The following RBFOX1 variants were observed in gnomAD, a reference collection of about 807,000 sequenced individuals.
The protein encoded by RBFOX1 is RNA binding fox-1 homolog 1.
A neutral mutation model predicts 57.7 loss-of-function variants in RBFOX1; 8 were observed. The ratio of observed to expected loss-of-function variants is 0.14; its 90% confidence interval spans 0.08 to 0.25. The LOEUF (loss-of-function observed/expected upper bound fraction) is 0.25. Ranked by LOEUF, RBFOX1 falls within the 10% of genes least tolerant of loss-of-function variation. The pLI is 1.00. For synonymous variants in RBFOX1, 326 were observed against 222.4 expected (o/e 1.47, Z -4.15); for missense variants, 611 against 548.5 (o/e 1.11, Z -1.14).
intron 4 of RBFOX1, among the ~76,000 whole-genome samples, chr16:7,174,571 A>G (rs1220872054): frequency 1.3e-5 from 2 of 152,194 alleles, no homozygotes; most frequent in Admixed American, 1.3e-4. Flanking sequence ...ACTTGAGGTC[A>G]GGAGTTTGAG....
chr16:7,592,140 G>A (rs528186896), intron 7 of RBFOX1, among the ~76,000 whole-genome samples: 4 of 152,176 alleles, frequency 2.6e-5, no homozygotes, highest in African/African-American at 7.2e-5. Context: ...TTTCTGCACC[G>A]AACTTTGTCA....
At chr16:7,462,840 C>T (rs1002625843) in intron 4 of RBFOX1, among the ~76,000 whole-genome samples, 3 of 152,150 alleles carry the variant, frequency 2.0e-5, no homozygotes, top group Non-Finnish European at 4.4e-5. Context: ...TGAATCTCTC[C>T]ATGTTTCTCT....
intron 3 of RBFOX1, among the ~76,000 whole-genome samples, chr16:5,827,905 C>G (rs1163094098): frequency 6.7e-6 from 1 of 150,080 alleles, no homozygotes; most frequent in Non-Finnish European, 1.5e-5. Flanking sequence ...ATCCATCCAT[C>G]CATCCATCCA....
intron 3 of RBFOX1, among the ~76,000 whole-genome samples, chr16:5,839,666 T>C (rs185136439): frequency 1.3e-5 from 2 of 152,312 alleles, no homozygotes; most frequent in African/African-American, 4.8e-5. Context: ...CAAGCTTTAC[T>C]TAACAGTTTT....
At chr16:6,231,080 AT>A (rs1256907608) in intron 1 of RBFOX1, among the ~76,000 whole-genome samples, 1 of 152,276 alleles carries the variant, frequency 6.6e-6, no homozygotes, top group East Asian at 1.9e-4. Flanking sequence ...AGAAGGGTCT[AT>A]TTGGGTAAGT....
intron 4 of RBFOX1, among the ~76,000 whole-genome samples, chr16:7,429,112 A>G (rs1035339127): frequency 1.3e-5 from 2 of 152,230 alleles, no homozygotes; most frequent in Non-Finnish European, 2.9e-5. Flanking sequence ...CTGGTGGGAA[A>G]TCGAGCGGCA....
At chr16:7,704,716 C>G (rs980244690) in intron 14 of RBFOX1, among the ~76,000 whole-genome samples, 1 of 152,048 alleles carries the variant, frequency 6.6e-6, no homozygotes, top group East Asian at 1.9e-4. Context: ...TGCTATACAA[C>G]ATGAAGGGGT....
At chr16:7,488,895 A>T (rs1225979354) in intron 4 of RBFOX1, among the ~76,000 whole-genome samples, 2 of 152,086 alleles carry the variant, frequency 1.3e-5, no homozygotes, top group African/African-American at 4.8e-5. Flanking sequence ...TTTTATCATT[A>T]TGTTTGTCTA....
At chr16:7,626,654 C>T (rs528753453) in intron 10 of RBFOX1, among the ~76,000 whole-genome samples, 4 of 152,098 alleles carry the variant, frequency 2.6e-5, no homozygotes, top group Admixed American at 6.5e-5. Context: ...AGAGAAAACA[C>T]GTGAAGTAGA....
At chr16:6,931,518 C>G (rs2076559300) in intron 3 of RBFOX1, among the ~76,000 whole-genome samples, 1 of 152,126 alleles carries the variant, frequency 6.6e-6, no homozygotes, top group African/African-American at 2.4e-5. Flanking sequence ...CATTTTAAGG[C>G]TGGGGACATC....
chr16:6,287,437 A>C (rs1165825902), intron 1 of RBFOX1, among the ~76,000 whole-genome samples: 1 of 152,186 alleles, frequency 6.6e-6, no homozygotes, highest in African/African-American at 2.4e-5. Context: ...TAGCCAATGG[A>C]TGTGTTTTGA....
At chr16:6,767,604 A>G (rs145057372) in intron 3 of RBFOX1, among the ~76,000 whole-genome samples, 21 of 152,184 alleles carry the variant, frequency 1.4e-4, no homozygotes, top group African/African-American at 5.1e-4. Context: ...TTCAAATCCC[A>G]AAGAACTCAT....
intron 4 of RBFOX1, among the ~76,000 whole-genome samples, chr16:7,241,486 C>T (rs1275597195): frequency 2.0e-5 from 3 of 152,110 alleles, no homozygotes; most frequent in Non-Finnish European, 2.9e-5. Flanking sequence ...TAAAATGTTT[C>T]TTGAAACAGG....
chr16:5,908,259 TA>T (rs1479641913), intron 4 of RBFOX1, among the ~76,000 whole-genome samples: 17 of 149,024 alleles, frequency 1.1e-4, no homozygotes, highest in Admixed American at 8.1e-4. Context: ...CACACACATA[TA>T]TACACATATA....
intron 3 of RBFOX1, among the ~76,000 whole-genome samples, chr16:6,688,718 C>T (rs979859178): frequency 2.6e-5 from 4 of 152,052 alleles, no homozygotes; most frequent in African/African-American, 9.7e-5. Context: ...ATACACATGC[C>T]ATGGTGGTTT....
At position 6,406,869 on chromosome 16, in the gene RBFOX1, A is replaced by T. The variant is rs925387526; in HGVS notation, c.-64+89812A>T. The stretch of plus-strand genomic sequence containing the variant: ...AATAGATCCATGGCTTGAAATGAAC[A>T]GTTGTGTGTTTATATGCTGGCTGAC... On this transcript the variant is annotated intron_variant, in intron 2 of 15. Transcript: ENST00000550418. Among the ~76,000 whole-genome samples the T allele has an allele frequency of 4.6e-5, 7 of 152,170 alleles. No individual in the cohort carries two copies. In the East Asian group the frequency reaches 1.3e-3, roughly 29 times the overall value.
At chr16:7,198,060 C>A (rs528894755) in intron 4 of RBFOX1, among the ~76,000 whole-genome samples, 259 of 124,518 alleles carry the variant, frequency 2.1e-3, no homozygotes, top group African/African-American at 8.1e-3. Flanking sequence ...GGCTGGAATG[C>A]CGTGGAGCGA....
intron 1 of RBFOX1, among the ~76,000 whole-genome samples, chr16:6,311,404 A>G (rs11641432): frequency 0.065 from 9,833 of 151,716 alleles, 451 homozygotes; most frequent in Non-Finnish European, 0.091. Context: ...CTCTTTGGGG[A>G]ACGCTCATCA....
chr16:7,241,622 GA>G (rs536159415), intron 4 of RBFOX1, among the ~76,000 whole-genome samples: 2 of 151,888 alleles, frequency 1.3e-5, no homozygotes, highest in Admixed American at 1.3e-4. Context: ...TTATAATAAA[GA>G]AAAAACATTT....
Sources: allele counts gnomAD v4.1 joint callset (sites outside exome capture counted in the v4.1 genomes callset), GRCh38; gene constraint gnomAD v4.1.1; transcripts MANE v1.5; gene names NCBI Gene and HGNC (gene_info 2026-07-23, HGNC 2026-07-21).